Variants in NEMP2 observed in about 807,000 individuals in gnomAD.
NEMP2 encodes the protein nuclear envelope integral membrane protein 2.
Under a neutral mutation model 54.2 loss-of-function variants are expected in NEMP2, and 53 were observed. The ratio of observed to expected loss-of-function variants is 0.98; its 90% confidence interval spans 0.78 to 1.23. NEMP2 has a LOEUF of 1.23. Among genes scored for constraint, NEMP2 ranks in the 50% most tolerant of loss-of-function variants. The probability of loss-of-function intolerance (pLI) is 0.00; values close to 1 mark genes in which losing one functional copy is unlikely to be tolerated. For missense variants in NEMP2, 455 were observed against 511.3 expected, an observed-to-expected ratio of 0.89 and a Z score of 1.06; for synonymous variants, 197 against 190.3, an observed-to-expected ratio of 1.04 and a Z score of -0.29.
At chr2:190,474,797 G>C in the NEMP2 span, among the ~76,000 whole-genome samples, 65,848 of 151,914 alleles carry the variant, frequency 0.43, 14,663 homozygotes, top group South Asian at 0.52. Flanking sequence ...TCCTGATGAA[G>C]ATAGATGCAA....
chr2:190,530,690 G>C lies in NEMP2; in HGVS notation c.97+3869C>G, dbSNP rs1014808359. Reference sequence around the variant, plus strand: ...TTTCAATCATGTCCAATGGAAACAGGAAACAGAGCCAGTTTGACTGCTTAT... The same window carrying C: ...TTTCAATCATGTCCAATGGAAACAGCAAACAGAGCCAGTTTGACTGCTTAT... On this transcript the variant is annotated intron_variant, in intron 1 of 8. Coordinates refer to ENST00000409150, the MANE Select transcript of NEMP2 (RefSeq NM_001142645.2). The surrounding 1 kb of genome is among the most constrained non-coding windows in gnomAD (Gnocchi z 4.6). Among the ~76,000 whole-genome samples, 4 of 152,204 alleles carry C rather than the reference G, an allele frequency of 2.6e-5. No individual in the cohort carries two copies. In the East Asian group the frequency reaches 7.7e-4, roughly 29 times the overall value.
the NEMP2 span, among the ~76,000 whole-genome samples, chr2:190,454,932 G>A: frequency 6.8e-5 from 9 of 132,848 alleles, no homozygotes; most frequent in Non-Finnish European, 1.2e-4. This position sits in a 1 kb window ranked among gnomAD's most constrained non-coding sequence, Gnocchi z 4.6. Context: ...CCTGGTTTCT[G>A]TATGTATATG....
At chr2:190,537,375 G>A (rs62181055), upstream of NEMP2, among the ~76,000 whole-genome samples, 738 of 152,294 alleles carry the variant, frequency 4.8e-3, 4 homozygotes, top group Non-Finnish European at 7.2e-3. Context: ...CCAGTGGGAG[G>A]TAACTGAATC....
the NEMP2 span, among the ~76,000 whole-genome samples, chr2:190,553,904 C>T: frequency 6.6e-6 from 1 of 152,204 alleles, no homozygotes; most frequent in Admixed American, 6.5e-5. Flanking sequence ...CTCTGGTCTA[C>T]AACTTCCAGT....
At chr2:190,588,546 G>C in the NEMP2 span, among the ~76,000 whole-genome samples, 2 of 152,096 alleles carry the variant, frequency 1.3e-5, no homozygotes, top group African/African-American at 4.8e-5. The surrounding 1 kb of genome is among the most constrained non-coding windows in gnomAD (Gnocchi z 5.0). Context: ...GGAGGAAAAG[G>C]CATGCAAATT....
the NEMP2 span, among the ~76,000 whole-genome samples, chr2:190,601,602 C>T: frequency 1.3e-5 from 2 of 152,222 alleles, no homozygotes; most frequent in South Asian, 2.1e-4. The surrounding 1 kb of genome is among the most constrained non-coding windows in gnomAD (Gnocchi z 5.8). Context: ...ATATAATTTC[C>T]GAGCAACTCC....
the NEMP2 span, among the ~76,000 whole-genome samples, chr2:190,482,868 C>CTTTTTTTTTT: frequency 2.9e-4 from 14 of 48,284 alleles, 3 homozygotes; most frequent in East Asian, 7.0e-4. Context: ...AGACTATCAT[C>CTTTTTTTTTT]TTTTTTTTTT....
chr2:190,557,294 T>C, the NEMP2 span, among the ~76,000 whole-genome samples: 1 of 152,092 alleles, frequency 6.6e-6, no homozygotes, highest in Non-Finnish European at 1.5e-5. Context: ...TGAAATTGGA[T>C]CCCTTCCTTA....
At chr2:190,555,479 G>A in the NEMP2 span, among the ~76,000 whole-genome samples, 1 of 151,912 alleles carries the variant, frequency 6.6e-6, no homozygotes, top group African/African-American at 2.4e-5. The surrounding 1 kb of genome is among the most constrained non-coding windows in gnomAD (Gnocchi z 4.8). Flanking sequence ...GAACACAAAT[G>A]ACCTGATGGA....
the NEMP2 span, among the ~76,000 whole-genome samples, chr2:190,463,508 A>C: frequency 4.6e-5 from 7 of 152,184 alleles, no homozygotes; most frequent in African/African-American, 1.7e-4. The surrounding 1 kb of genome is among the most constrained non-coding windows in gnomAD (Gnocchi z 4.4). Context: ...TTTAGGGACA[A>C]GTTTATATAG....
At chr2:190,632,918 T>A in the NEMP2 span, among the ~76,000 whole-genome samples, 1 of 152,210 alleles carries the variant, frequency 6.6e-6, no homozygotes, top group Non-Finnish European at 1.5e-5. This position sits in a 1 kb window ranked among gnomAD's most constrained non-coding sequence, Gnocchi z 4.8. Flanking sequence ...TGTAGAGGAC[T>A]CTTGTCCTAA....
chr2:190,423,237 G>A, the NEMP2 span, among the ~76,000 whole-genome samples: 2 of 151,986 alleles, frequency 1.3e-5, no homozygotes, highest in East Asian at 3.8e-4. This position sits in a 1 kb window ranked among gnomAD's most constrained non-coding sequence, Gnocchi z 4.3. Context: ...TCTCTCTGTC[G>A]CCACCAAGGT....
chr2:190,458,044 C>T, the NEMP2 span, among the ~76,000 whole-genome samples: 3 of 152,124 alleles, frequency 2.0e-5, no homozygotes, highest in Admixed American at 6.5e-5. The surrounding 1 kb of genome is among the most constrained non-coding windows in gnomAD (Gnocchi z 5.3). Context: ...TGTTGAGGCC[C>T]GAGGAAGCTG....
upstream of NEMP2, among the ~76,000 whole-genome samples, chr2:190,537,505 T>G (rs1359833296): frequency 1.3e-5 from 2 of 152,200 alleles, no homozygotes; most frequent in Non-Finnish European, 2.9e-5. Flanking sequence ...ACATGTTTGC[T>G]TCCCCTTCCA....
the NEMP2 span, among the ~76,000 whole-genome samples, chr2:190,463,412 G>A: frequency 6.6e-5 from 10 of 152,260 alleles, no homozygotes; most frequent in African/African-American, 1.4e-4. This position sits in a 1 kb window ranked among gnomAD's most constrained non-coding sequence, Gnocchi z 4.4. Flanking sequence ...CTGAGCACAG[G>A]AGTCTCCACT....
rs769826641 is a variant in NEMP2 at position 190,525,254 on chromosome 2, G to A, written c.213+9C>T. ...GTCCCTAAGACATGAGTTAAAAGTA[G>A]GCCCTTACCTGCATAGTTGACCATA... On this transcript the variant is annotated intron_variant, in intron 2 of 8. Coordinates refer to ENST00000409150, the MANE Select transcript of NEMP2 (RefSeq NM_001142645.2). This position sits in a 1 kb window ranked among gnomAD's most constrained non-coding sequence, Gnocchi z 5.0. 10 of 1,442,342 alleles carry A rather than the reference G, an allele frequency of 6.9e-6. No homozygotes were observed. Among genetic ancestry groups the A allele is most frequent in the Non-Finnish European group, 6.7e-6 (7 of 1,049,456 alleles). The allele number at this position is 1,442,342 out of a possible 1,614,324, so 89.3% of individuals were successfully genotyped here. A position where few individuals can be genotyped will look rare whatever the true frequency, so the allele number is the denominator to read the frequency against.
chr2:190,575,191 A>G, the NEMP2 span, among the ~76,000 whole-genome samples: 2 of 151,990 alleles, frequency 1.3e-5, no homozygotes, highest in African/African-American at 2.4e-5. Flanking sequence ...CCAGAATGCC[A>G]GTTTCCCACC....
chr2:190,426,910 T>C, the NEMP2 span, among the ~76,000 whole-genome samples: 16 of 152,374 alleles, frequency 1.1e-4, no homozygotes, highest in Non-Finnish European at 2.1e-4. The surrounding 1 kb of genome is among the most constrained non-coding windows in gnomAD (Gnocchi z 4.7). Context: ...GCTGCTTTAT[T>C]ACTGCCAGCT....
chr2:190,423,589 G>T, the NEMP2 span, among the ~76,000 whole-genome samples: 1 of 152,152 alleles, frequency 6.6e-6, no homozygotes, highest in East Asian at 1.9e-4. The surrounding 1 kb of genome is among the most constrained non-coding windows in gnomAD (Gnocchi z 4.3). Context: ...GAAGAAAGCT[G>T]CTATAAACAT....
Sources: allele counts gnomAD v4.1 joint callset (sites outside exome capture counted in the v4.1 genomes callset), GRCh38; gene constraint gnomAD v4.1.1; non-coding constraint Gnocchi (gnomAD v3.1); transcripts MANE v1.5; gene names NCBI Gene and HGNC (gene_info 2026-07-23, HGNC 2026-07-21).